SELENOV: variants seen among roughly 807,000 people sequenced by gnomAD.
SELENOV encodes selenoprotein V.
A neutral mutation model predicts 21.6 loss-of-function variants in SELENOV; 25 were observed. The ratio of observed to expected loss-of-function variants is 1.16; its 90% CI spans 0.84 to 1.62. The LOEUF is 1.62. Ranked by LOEUF, SELENOV falls within the 40% of genes most tolerant of loss-of-function variation. The probability of loss-of-function intolerance (pLI) is 0.00; values close to 1 mark genes in which losing one functional copy is unlikely to be tolerated. For missense variants in SELENOV, 472 were observed against 459.0 expected (o/e 1.03, Z -0.26); for synonymous variants, 227 against 216.9 (o/e 1.05, Z -0.41).
At chr19:39,519,300 C>T in intron 5 of SELENOV, 130 bp downstream of exon 5, 1 of 681,920 alleles carries the variant, frequency 1.5e-6, no homozygotes, top group Non-Finnish European at 2.6e-6. Flanking sequence ...AAGTCACCTA[C>T]ATTCTTTTCT....
rs374863818 is a variant in SELENOV, at chr19:39,517,991, A to AAAAAAAAAAAAAAAAG, written c.810-617_810-616insAAAAAAAAAAAAAAAG. Among the ~76,000 whole-genome samples the AAAAAAAAAAAAAAAAG allele has an allele frequency of 8.3e-3, 760 of 91,994 alleles. 125 individuals carry two copies. The highest frequency in any genetic ancestry group is 0.014 in the East Asian group (35 of 2,582). The allele number at this position is 91,994 out of a possible 152,430, so 60.4% of individuals were successfully genotyped here. ...AAAAAAAAAAAAAAAAAAAAAAAAAAGCCCAGCGCGGTGGCTCACGCCTGT... is the reference window on the plus strand; with the variant it reads ...AAAAAAAAAAAAAAAAAAAAAAAAAAAAAAAAAAAAAAAAAGGCCCAGCGCGGTGGCTCACGCCTGT... On this transcript the variant is annotated intron_variant, in intron 1 of 5. Coordinates refer to ENST00000335426, the Ensembl canonical transcript of SELENOV.
intron 5 of SELENOV, among the ~76,000 whole-genome samples, chr19:39,519,532 G>A (rs2144777162): frequency 6.6e-6 from 1 of 152,092 alleles, no homozygotes; most frequent in East Asian, 1.9e-4. Flanking sequence ...CAGGCACAGT[G>A]GCTCACGCCT....
At position 39,515,287 on chromosome 19, in the gene SELENOV, C is replaced by G. The variant is rs764165889; in HGVS notation, c.75C>G (p.Thr25=). 2.6e-6 allele frequency: 4 copies of G among 1,551,096 alleles called. No homozygotes were observed. Among genetic ancestry groups the G allele is most frequent in the Non-Finnish European group, 3.5e-6 (4 of 1,146,912 alleles). The change falls in exon 1 of 6, where the codon ACC becomes ACG. Residue 25 remains threonine (T), a synonymous_variant. Transcript: ENST00000335426. This position sits in a 1 kb window ranked among gnomAD's most constrained non-coding sequence, Gnocchi z 5.1. ...CCTCAGTCCGGGCTTCTACCCCGAC[C>G]CGGACACCGACTCCACTCCGGACCC... is the stretch of plus-strand genomic sequence containing the variant.
intron 1 of SELENOV, among the ~76,000 whole-genome samples, chr19:39,516,765 T>C (rs1284096989): frequency 6.6e-6 from 1 of 151,168 alleles, no homozygotes; most frequent in Admixed American, 6.6e-5. Flanking sequence ...GCGCGACCTC[T>C]GCTCACTGCA....
chr19:39,519,240 G>A (rs2079716555), intron 5 of SELENOV, 70 bp downstream of exon 5: 4 of 1,038,918 alleles, frequency 3.9e-6, no homozygotes, highest in Non-Finnish European at 3.0e-6. Context: ...GCAGGGCTCT[G>A]TCTCAGTCCT....
rs1276604073 is a variant in SELENOV at position 39,515,628 on chromosome 19, C to A, written c.416C>A (p.Pro139His). The change falls in exon 1 of 6, where the codon CCC (proline) becomes CAC (histidine). Residue 139 changes from proline to histidine, a missense_variant. By Grantham distance (77) the Pro-to-His change is moderately conservative. Coordinates refer to ENST00000335426, the Ensembl canonical transcript of SELENOV. The surrounding 1 kb of genome is among the most constrained non-coding windows in gnomAD (Gnocchi z 5.1). ...CTGGCAGGGATTCGGGCCGCGCTCC[C>A]CGTCTTGGACTCCTACCTGGCCCCG... 1.3e-6 allele frequency: 2 copies of A among 1,548,398 alleles called. No homozygotes were observed. The highest frequency in any genetic ancestry group is 2.4e-5 in the East Asian group (1 of 40,916).
intron 5 of SELENOV, among the ~76,000 whole-genome samples, chr19:39,519,706 C>T (rs2079718823): frequency 1.3e-5 from 2 of 151,492 alleles, no homozygotes; most frequent in East Asian, 1.9e-4. Context: ...TGGCTCACCC[C>T]TGTAATCCCA....
chr19:39,515,515 T>A lies in SELENOV; in HGVS notation c.303T>A (p.Val101=). Residue 101 remains valine, a synonymous_variant, in exon 1 of 6, where the codon GTT becomes GTA. Coordinates refer to ENST00000335426, the Ensembl canonical transcript of SELENOV. This position sits in a 1 kb window ranked among gnomAD's most constrained non-coding sequence, Gnocchi z 5.1. ...TCCCTACTCCGGTGCCGACTCCCGTTCCCGTCCGGAACCCAACTCCGGTCC... is the reference window on the plus strand; with the variant it reads ...TCCCTACTCCGGTGCCGACTCCCGTACCCGTCCGGAACCCAACTCCGGTCC... 1.3e-6 allele frequency: 2 copies of A among 1,550,232 alleles called. No homozygotes were observed. Among genetic ancestry groups the A allele is most frequent in the Non-Finnish European group, 1.7e-6 (2 of 1,146,754 alleles).
At chr19:39,517,193 T>C (rs1241151698) in intron 1 of SELENOV, among the ~76,000 whole-genome samples, 1 of 152,158 alleles carries the variant, frequency 6.6e-6, no homozygotes. Context: ...TGTGTGTTTC[T>C]GCTTCTCCCT....
At chr19:39,518,294 C>CAAAAAAAAAAAAAAAAAAAAA (rs56055153) in intron 1 of SELENOV, among the ~76,000 whole-genome samples, 2 of 107,182 alleles carry the variant, frequency 1.9e-5, no homozygotes, top group African/African-American at 6.7e-5. Flanking sequence ...AACAAAAAAA[C>CAAAAAAAAAAAAAAAAAAAAA]AAAAAAAAAA....
In SELENOV at chr19:39,515,356, A is replaced by G; in HGVS notation, c.144A>G (p.Pro48=). Reference sequence around the variant, plus strand: ...GGACCCCCATCCGGACCCTGACTCCAGTCCTGACTCCGTCTCCAGCCGGGA... The same window carrying G: ...GGACCCCCATCCGGACCCTGACTCCGGTCCTGACTCCGTCTCCAGCCGGGA... Residue 48 remains proline (P), a synonymous_variant, in exon 1 of 6, where the codon CCA becomes CCG. Coordinates refer to ENST00000335426, the Ensembl canonical transcript of SELENOV. The surrounding 1 kb of genome is among the most constrained non-coding windows in gnomAD (Gnocchi z 5.1). The G allele has an allele frequency of 1.3e-6, 2 of 1,550,708 alleles. No individual in the cohort carries two copies. Among genetic ancestry groups the G allele is most frequent in the Non-Finnish European group, 1.7e-6 (2 of 1,146,746 alleles).
rs1025697377 is a variant in SELENOV at position 39,515,200 on chromosome 19, C to G, written c.-13C>G. The G allele has an allele frequency of 6.7e-7, 1 of 1,500,726 alleles. No individual in the cohort carries two copies. Among genetic ancestry groups the G allele is most frequent in the South Asian group, 1.2e-5 (1 of 82,988 alleles). The allele number at this position is 1,500,726 out of a possible 1,614,324, so 93.0% of individuals were successfully genotyped here. A position where few individuals can be genotyped will look rare whatever the true frequency, so the allele number is the denominator to read the frequency against. ...GACTCCCCAACCGGCTTGCCCCGGT[C>G]CCCCTGGGCCCCATGAATAACCAGG... On this transcript the variant is annotated 5_prime_UTR_variant, in exon 1 of 6. Coordinates refer to ENST00000335426, the Ensembl canonical transcript of SELENOV. The surrounding 1 kb of genome is among the most constrained non-coding windows in gnomAD (Gnocchi z 5.1).
chr19:39,518,333 A>AG, intron 1 of SELENOV: 1 of 510,436 alleles, frequency 2.0e-6, no homozygotes, highest in Admixed American at 3.4e-5. Flanking sequence ...AAGATGAGCT[A>AG]GGGGCTTCTG....
chr19:39,516,997 C>T (rs1047979170), intron 1 of SELENOV, among the ~76,000 whole-genome samples: 7 of 151,444 alleles, frequency 4.6e-5, no homozygotes, highest in African/African-American at 1.5e-4. Context: ...GCGCCTGGCC[C>T]CTAATTTTTA....
intron 1 of SELENOV, among the ~76,000 whole-genome samples, chr19:39,517,850 G>A (rs1372475681): frequency 1.3e-5 from 2 of 150,798 alleles, no homozygotes; most frequent in East Asian, 3.9e-4. Context: ...TGTAATCCCG[G>A]CTACTTGGGA....
At chr19:39,518,015 G>GT (rs2079706590) in intron 1 of SELENOV, among the ~76,000 whole-genome samples, 2 of 134,068 alleles carry the variant, frequency 1.5e-5, no homozygotes, top group African/African-American at 5.6e-5. Flanking sequence ...GCTCACGCCT[G>GT]TAATTCCAGC....
Position 39,519,185 on chromosome 19 carries a change from C to A in SELENOV, c.*22+15C>A. The stretch of plus-strand genomic sequence containing the variant: ...TGGAGCTGGAGGTGAGCGTGGAGCT[C>A]CCAAGGCTGCGGTGGGAGGGGTGGA... On this transcript the variant is annotated intron_variant, in intron 5 of 5. Coordinates refer to ENST00000335426, the Ensembl canonical transcript of SELENOV. 6.3e-7 allele frequency: 1 copy of A among 1,593,780 alleles called. No homozygotes were observed. The highest frequency in any genetic ancestry group is 1.1e-5 in the South Asian group (1 of 90,218).
intron 1 of SELENOV, among the ~76,000 whole-genome samples, chr19:39,517,772 C>T (rs1249209917): frequency 2.7e-5 from 4 of 150,278 alleles, no homozygotes; most frequent in Non-Finnish European, 4.4e-5. Context: ...CTGGGCAACA[C>T]GGCAACATGG....
chr19:39,516,520 C>T (rs1057075802), intron 1 of SELENOV, among the ~76,000 whole-genome samples: 4 of 151,828 alleles, frequency 2.6e-5, no homozygotes, highest in Non-Finnish European at 5.9e-5. Context: ...ACCTCACTCT[C>T]TCTCTCTTTT....
Sources: allele counts gnomAD v4.1 joint callset (sites outside exome capture counted in the v4.1 genomes callset), GRCh38; gene constraint gnomAD v4.1.1; non-coding constraint Gnocchi (gnomAD v3.1); transcripts MANE v1.5; gene names NCBI Gene and HGNC (gene_info 2026-07-23, HGNC 2026-07-21).